The following TEN1 variants were observed in gnomAD, a reference collection of about 807,000 sequenced individuals.
TEN1 encodes the protein CST complex subunit TEN1.
Under a neutral mutation model 9.3 loss-of-function variants are expected in TEN1, and 6 were observed. The ratio of observed to expected loss-of-function variants is 0.65; its 90% CI spans 0.35 to 1.27. The LOEUF (loss-of-function observed/expected upper bound fraction) is 1.27. Ranked by LOEUF, TEN1 falls within the 50% of genes most tolerant of loss-of-function variation. TEN1 has a pLI of 0.03. For missense variants in TEN1, 149 were observed against 158.2 expected (o/e 0.94, Z 0.31); for synonymous variants, 65 against 65.6 (o/e 0.99, Z 0.04).
intron 2 of TEN1, among the ~76,000 whole-genome samples, chr17:75,987,637 C>A (rs1199139503): frequency 1.3e-5 from 2 of 152,144 alleles, no homozygotes; most frequent in African/African-American, 4.8e-5. Flanking sequence ...TTAACCTAGG[C>A]CAGGTGCGGT....
chr17:75,999,229 C>T (rs1263733968), intron 3 of TEN1, among the ~76,000 whole-genome samples: 1 of 152,070 alleles, frequency 6.6e-6, no homozygotes, highest in Non-Finnish European at 1.5e-5. Context: ...CCCTGTAGTC[C>T]CAGCTCCTCA....
At chr17:75,981,541 C>G (rs979218381) in intron 1 of TEN1, among the ~76,000 whole-genome samples, 13 of 151,638 alleles carry the variant, frequency 8.6e-5, no homozygotes, top group African/African-American at 3.1e-4. Flanking sequence ...AGTGTTGGGT[C>G]TCAGAAAACA....
Position 76,000,212 on chromosome 17 carries a change from G to A in TEN1, c.322G>A (p.Ala108Thr). 8 of 1,551,486 alleles carry A rather than the reference G, an allele frequency of 5.2e-6. No homozygotes were observed. Among genetic ancestry groups the A allele is most frequent in the South Asian group, 2.4e-5 (2 of 84,060 alleles). ...EGMNLPLLEQAIREQRLYKQE... is the reference protein window; with the variant it reads ...EGMNLPLLEQTIREQRLYKQE... ...GATGAACCTGCCCTTGTTGGAACAA[G>A]CCATCCGGGAGCAGAGACTGTACAA... Residue 108 changes from alanine to threonine, a missense_variant, in exon 4 of 4, where the codon GCC becomes ACC. Transcript: ENST00000397640. The surrounding 1 kb of genome is among the most constrained non-coding windows in gnomAD (Gnocchi z 5.9).
Position 75,979,246 on chromosome 17 carries a change from G to A in TEN1, c.-272G>A, listed in dbSNP as rs575138461. 7.0e-5 allele frequency: 61 copies of A among 868,744 alleles called. No homozygotes were observed. Among genetic ancestry groups the A allele is most frequent in the East Asian group, 4.0e-4 (15 of 37,686 alleles). 53.8% of individuals were successfully genotyped at this position (868,744 alleles called of 1,614,324 possible). On this transcript the variant is annotated 5_prime_UTR_variant, in exon 1 of 4. Transcript: ENST00000397640. The stretch of plus-strand genomic sequence containing the variant: ...CCCCTTCTTTCTCCGTGGCCCTTTG[G>A]CGCGTGAGTGACAGCGGCCCAGACA...
Position 76,000,328 on chromosome 17 carries a change from C to A in TEN1, c.*66C>A. ...CGAACCCTCTGGAGCTGCAGGAGCC[C>A]GGGAGAGCACAGACGCCTCCCCAGC... On this transcript the variant is annotated 3_prime_UTR_variant, in exon 4 of 4. Coordinates refer to ENST00000397640, the MANE Select transcript of TEN1 (RefSeq NM_001113324.3). This position sits in a 1 kb window ranked among gnomAD's most constrained non-coding sequence, Gnocchi z 5.9. The A allele has an allele frequency of 4.0e-6, 6 of 1,497,304 alleles. No homozygotes were observed. The highest frequency in any genetic ancestry group is 1.3e-5 in the South Asian group (1 of 77,626). 92.8% of individuals were successfully genotyped at this position (1,497,304 alleles called of 1,614,324 possible).
At chr17:75,994,924 T>G (rs2066209939) in intron 3 of TEN1, among the ~76,000 whole-genome samples, 1 of 152,152 alleles carries the variant, frequency 6.6e-6, no homozygotes, top group Admixed American at 6.6e-5. Context: ...GTGGCTGCTT[T>G]AAACCTCCCT....
rs1321012530 is a variant in TEN1 at position 75,979,510 on chromosome 17, A to C, written c.-8A>C. On this transcript the variant is annotated splice_region_variant and 5_prime_UTR_variant, in exon 1 of 4. Coordinates refer to ENST00000397640, the MANE Select transcript of TEN1 (RefSeq NM_001113324.3). ...TCCGAGGACCGGCGACGCCTAGAAC[A>C]GGTTGGCTGGGGCCTTGGGAAGGGG... 4 of 315,490 alleles carry C rather than the reference A, an allele frequency of 1.3e-5. No homozygotes were observed. The highest frequency in any genetic ancestry group is 2.5e-5 in the Non-Finnish European group (4 of 160,830). The allele number at this position is 315,490 out of a possible 1,614,324, so 19.5% of individuals were successfully genotyped here.
At chr17:75,985,106 G>A (rs2066144029) in intron 1 of TEN1, 1 of 152,202 alleles carries the variant, frequency 6.6e-6, no homozygotes, top group South Asian at 2.1e-4. Context: ...TTACAGGTGT[G>A]AGCCACCATT....
chr17:75,987,117 C>T (rs1183648846), intron 2 of TEN1, among the ~76,000 whole-genome samples: 1 of 152,180 alleles, frequency 6.6e-6, no homozygotes, highest in African/African-American at 2.4e-5. Flanking sequence ...AGCCACTGTG[C>T]CCAGCCTCCC....
chr17:75,979,554 G>A (rs1598207543), intron 1 of TEN1, 43 bp downstream of exon 1: 16 of 285,850 alleles, frequency 5.6e-5, no homozygotes, highest in South Asian at 4.6e-4. Flanking sequence ...ACGAGGCTGA[G>A]GAGGGATTGC....
rs190896599 is a variant in TEN1 at position 75,987,724 on chromosome 17, C to T, written c.92+1440C>T. ...CTGAGGTCAGGAGTTTGAGACTAGCCGGACCAAAATGGCGAAACCCTGTCT... is the reference window on the plus strand; with the variant it reads ...CTGAGGTCAGGAGTTTGAGACTAGCTGGACCAAAATGGCGAAACCCTGTCT... On this transcript the variant is annotated intron_variant, in intron 2 of 3. Coordinates refer to ENST00000397640, the MANE Select transcript of TEN1 (RefSeq NM_001113324.3). 1.3e-3 allele frequency among the ~76,000 whole-genome samples: 200 copies of T among 151,500 alleles called. 1 individual carries two copies. The highest frequency in any genetic ancestry group is 4.4e-3 in the African/African-American group (182 of 41,270).
intron 1 of TEN1, among the ~76,000 whole-genome samples, chr17:75,981,154 T>C (rs184889547): frequency 6.0e-4 from 92 of 152,260 alleles, no homozygotes; most frequent in Non-Finnish European, 5.9e-5. Flanking sequence ...ATTACAAGAA[T>C]AGAACAAAGA....
chr17:76,000,095 G>A lies in TEN1; in HGVS notation c.251-46G>A. The A allele has an allele frequency of 6.5e-7, 1 of 1,540,324 alleles. No individual in the cohort carries two copies. Among genetic ancestry groups the A allele is most frequent in the East Asian group, 2.5e-5 (1 of 40,618 alleles). On this transcript the variant is annotated intron_variant, in intron 3 of 3. Coordinates refer to ENST00000397640, the MANE Select transcript of TEN1 (RefSeq NM_001113324.3). This position sits in a 1 kb window ranked among gnomAD's most constrained non-coding sequence, Gnocchi z 5.9. ...GGAATGCACCTTGGAGGACGTTGTT[G>A]ACACGCCGCTCAGTCGCCGTTCGTG... is the stretch of plus-strand genomic sequence containing the variant.
chr17:75,989,405 C>G (rs1166812489), intron 2 of TEN1, among the ~76,000 whole-genome samples: 1 of 149,084 alleles, frequency 6.7e-6, no homozygotes, highest in Non-Finnish European at 1.5e-5. Context: ...AGCCACCGCA[C>G]CTGGCCTTTT....
chr17:75,991,704 C>T (rs889279396), intron 3 of TEN1, 81 bp downstream of exon 3: 27 of 1,182,376 alleles, frequency 2.3e-5, no homozygotes, highest in Non-Finnish European at 3.0e-5. Flanking sequence ...GAGAAATGGG[C>T]TCGTGACCCA....
In TEN1 at chr17:75,979,307, C is replaced by G; in HGVS notation, c.-211C>G. The G allele has an allele frequency of 1.6e-6, 1 of 633,168 alleles. No individual in the cohort carries two copies. Among genetic ancestry groups the G allele is most frequent in the Non-Finnish European group, 2.8e-6 (1 of 359,254 alleles). 39.2% of individuals were successfully genotyped at this position (633,168 alleles called of 1,614,324 possible). On this transcript the variant is annotated 5_prime_UTR_variant, in exon 1 of 4. Coordinates refer to ENST00000397640, the MANE Select transcript of TEN1 (RefSeq NM_001113324.3). The stretch of plus-strand genomic sequence containing the variant: ...TGTCCGCGTCGTGGCTGGGGCCGGT[C>G]GCGGGGCAGACTAATCCCCTGCTCC...
At chr17:75,990,526 G>A (rs540913437) in intron 2 of TEN1, among the ~76,000 whole-genome samples, 30 of 146,730 alleles carry the variant, frequency 2.0e-4, no homozygotes, top group Middle Eastern at 3.5e-3. Context: ...TATAGCATTT[G>A]TAGCCCATAT....
intron 2 of TEN1, among the ~76,000 whole-genome samples, chr17:75,989,910 TAA>T (rs556439277): frequency 7.1e-6 from 1 of 139,982 alleles, no homozygotes; most frequent in African/African-American, 2.6e-5. Flanking sequence ...CCTGGCTAAT[TAA>T]AAAAAAAAAA....
chr17:75,981,651 CG>C (rs1208294247), intron 1 of TEN1, among the ~76,000 whole-genome samples: 1 of 151,380 alleles, frequency 6.6e-6, no homozygotes, highest in African/African-American at 2.4e-5. Context: ...CATTCTCCCC[CG>C]AGCCTAGCCA....
Sources: allele counts gnomAD v4.1 joint callset (sites outside exome capture counted in the v4.1 genomes callset), GRCh38; gene constraint gnomAD v4.1.1; non-coding constraint Gnocchi (gnomAD v3.1); transcripts MANE v1.5; gene names NCBI Gene and HGNC (gene_info 2026-07-23, HGNC 2026-07-21).